The following UBE2E3 variants were observed in gnomAD, a reference collection of about 807,000 sequenced individuals.
UBE2E3 encodes ubiquitin conjugating enzyme E2 E3, also known as ubiquitin-conjugating enzyme E2 E3.
Under a neutral mutation model 23.6 loss-of-function variants are expected in UBE2E3, and 5 were observed. That is an observed-to-expected ratio of 0.21 (90% CI 0.11 to 0.44). UBE2E3 has a LOEUF of 0.44. Among genes scored for constraint, UBE2E3 ranks in the 20% least tolerant of loss-of-function variants. The pLI, the probability that UBE2E3 is intolerant of heterozygous loss-of-function variation, is 0.99. For synonymous variants in UBE2E3, 78 were observed against 87.5 expected (o/e 0.89, Z 0.60); for missense variants, 81 against 249.8 (o/e 0.32, Z 4.55).
intron 3 of UBE2E3, among the ~76,000 whole-genome samples, chr2:181,002,696 T>C (rs1685024692): frequency 6.6e-6 from 1 of 152,230 alleles, no homozygotes; most frequent in African/African-American, 2.4e-5. Flanking sequence ...GTTTTTGAAA[T>C]GTAGTGTTAA....
chr2:180,995,623 T>C (rs1177456441), intron 3 of UBE2E3, among the ~76,000 whole-genome samples: 1 of 152,118 alleles, frequency 6.6e-6, no homozygotes, highest in Non-Finnish European at 1.5e-5. Flanking sequence ...CTGAGTTTCC[T>C]TAGAGTCTGT....
intron 2 of UBE2E3, among the ~76,000 whole-genome samples, chr2:180,982,582 C>T (rs1242665872): frequency 6.7e-6 from 1 of 148,790 alleles, no homozygotes; most frequent in African/African-American, 2.6e-5. Flanking sequence ...GAGTCATAAT[C>T]TTCTTTAATG....
At chr2:180,989,931 G>T in intron 3 of UBE2E3, 1 of 1,549,498 alleles carries the variant, frequency 6.5e-7, no homozygotes. Context: ...GATTGAGAAT[G>T]AAGAACTTGT....
rs148008817 is a variant in UBE2E3, at chr2:181,036,756, T to C, written c.246-20937T>C. On this transcript the variant is annotated intron_variant, in intron 3 of 5. Coordinates refer to ENST00000410062, the MANE Select transcript of UBE2E3 (RefSeq NM_006357.4). ...TTGTTTTTTATTAACTTTTCTTAAC[T>C]GTATGTATAGCTCACATTTATTTCA... 4.6e-3 allele frequency among the ~76,000 whole-genome samples: 696 copies of C among 152,356 alleles called. 6 individuals are homozygous for C. The highest frequency in any genetic ancestry group is 0.016 in the African/African-American group (653 of 41,584).
intron 3 of UBE2E3, among the ~76,000 whole-genome samples, chr2:180,988,407 A>G (rs1453535944): frequency 1.3e-5 from 2 of 152,168 alleles, no homozygotes; most frequent in Non-Finnish European, 2.9e-5. Context: ...TCAGGCATAG[A>G]TGAACAAATA....
chr2:180,998,794 G>A (rs377372955), intron 3 of UBE2E3, among the ~76,000 whole-genome samples: 12 of 151,906 alleles, frequency 7.9e-5, no homozygotes, highest in Non-Finnish European at 1.5e-4. Context: ...CAACAGATAC[G>A]TTTTTATCCA....
chr2:181,031,963 C>T (rs1194406261), intron 3 of UBE2E3, among the ~76,000 whole-genome samples: 2 of 152,116 alleles, frequency 1.3e-5, no homozygotes. Context: ...TCACAAATGC[C>T]ATTTTGGAAA....
At chr2:181,005,233 T>C (rs1306891999) in intron 3 of UBE2E3, among the ~76,000 whole-genome samples, 3 of 152,236 alleles carry the variant, frequency 2.0e-5, no homozygotes, top group Non-Finnish European at 4.4e-5. Context: ...TTAGACAGAC[T>C]TTCTCCTTGT....
chr2:180,982,378 ATTC>A, intron 2 of UBE2E3, 142 bp downstream of exon 2: 1 of 773,972 alleles, frequency 1.3e-6, no homozygotes, highest in African/African-American at 1.7e-5. Flanking sequence ...ATGAGTTGTC[ATTC>A]TTTAGGTGGT....
chr2:181,004,900 A>G (rs183280962), intron 3 of UBE2E3, among the ~76,000 whole-genome samples: 147 of 152,354 alleles, frequency 9.6e-4, no homozygotes, highest in African/African-American at 3.5e-3. Flanking sequence ...CTTCAGACAG[A>G]CAATGTCTTA....
Position 181,062,925 on chromosome 2 carries a change from G to A in UBE2E3, c.*37G>A. The A allele has an allele frequency of 4.5e-6, 6 of 1,330,958 alleles. No homozygotes were observed. The highest frequency in any genetic ancestry group is 6.4e-6 in the Non-Finnish European group (6 of 934,586). 82.4% of individuals were successfully genotyped at this position (1,330,958 alleles called of 1,614,324 possible). On this transcript the variant is annotated 3_prime_UTR_variant, in exon 6 of 6. Coordinates refer to ENST00000410062, the MANE Select transcript of UBE2E3 (RefSeq NM_006357.4). The stretch of plus-strand genomic sequence containing the variant: ...TGTATGCAGTGTGAAGGAGCAGAAG[G>A]CATCTTCTCACTGTGCTGCAAATCT...
At chr2:181,049,125 C>A (rs1180642516) in intron 3 of UBE2E3, among the ~76,000 whole-genome samples, 1 of 151,930 alleles carries the variant, frequency 6.6e-6, no homozygotes, top group East Asian at 1.9e-4. Context: ...CTTTATGTCA[C>A]CATTAGCAGA....
At chr2:181,026,420 C>A (rs112560744) in intron 3 of UBE2E3, among the ~76,000 whole-genome samples, 42 of 151,618 alleles carry the variant, frequency 2.8e-4, no homozygotes, top group African/African-American at 9.4e-4. Context: ...CATTTTGATT[C>A]CTGCTGGTTT....
intron 3 of UBE2E3, among the ~76,000 whole-genome samples, chr2:181,050,912 A>G (rs749317004): frequency 7.2e-5 from 11 of 151,884 alleles, no homozygotes; most frequent in Non-Finnish European, 1.5e-4. Context: ...TCTTGTTTCA[A>G]CGTACAGTAA....
chr2:181,055,058 G>GGT (rs1686951317), intron 3 of UBE2E3, among the ~76,000 whole-genome samples: 1 of 151,690 alleles, frequency 6.6e-6, no homozygotes, highest in Admixed American at 6.6e-5. Flanking sequence ...GTAGTGATGA[G>GGT]GTCATTGGTG....
At chr2:181,016,044 A>G (rs772753124) in intron 3 of UBE2E3, among the ~76,000 whole-genome samples, 1 of 111,218 alleles carries the variant, frequency 9.0e-6, no homozygotes, top group Non-Finnish European at 2.2e-5. Flanking sequence ...AGTTATAGGA[A>G]ATTTTAGAAA....
intron 3 of UBE2E3, among the ~76,000 whole-genome samples, chr2:181,011,414 G>T (rs968813303): frequency 3.3e-5 from 5 of 151,988 alleles, no homozygotes; most frequent in Non-Finnish European, 5.9e-5. Context: ...ACTCACTCTA[G>T]GGTGGAGCTC....
At chr2:180,991,967 AACTGC>A (rs1684671461) in intron 3 of UBE2E3, among the ~76,000 whole-genome samples, 1 of 152,222 alleles carries the variant, frequency 6.6e-6, no homozygotes, top group Non-Finnish European at 1.5e-5. Context: ...TGGAAAGTGG[AACTGC>A]ACAGATAGGT....
chr2:181,028,707 TTTG>T (rs778583253), intron 3 of UBE2E3, among the ~76,000 whole-genome samples: 7 of 152,258 alleles, frequency 4.6e-5, no homozygotes, highest in South Asian at 2.1e-4. Context: ...ATGCCTTTTT[TTTG>T]TTATTTGTCC....
Sources: allele counts gnomAD v4.1 joint callset (sites outside exome capture counted in the v4.1 genomes callset), GRCh38; gene constraint gnomAD v4.1.1; transcripts MANE v1.5; gene names NCBI Gene and HGNC (gene_info 2026-07-23, HGNC 2026-07-21).